HSPA12A: variants seen among roughly 807,000 people sequenced by gnomAD.
HSPA12A encodes heat shock 70 kDa protein 12A.
A neutral mutation model predicts 69.2 loss-of-function variants in HSPA12A; 28 were observed. That is an observed-to-expected ratio of 0.40 (90% CI 0.30 to 0.55). The LOEUF is 0.55. Among genes scored for constraint, HSPA12A ranks in the 20% least tolerant of loss-of-function variants. The probability of loss-of-function intolerance (pLI) is 0.38; values close to 1 mark genes in which losing one functional copy is unlikely to be tolerated. For missense variants in HSPA12A, 686 were observed against 900.7 expected, an observed-to-expected ratio of 0.76 and a Z score of 3.05; for synonymous variants, 345 against 370.5, an observed-to-expected ratio of 0.93 and a Z score of 0.79.
chr10:116,678,670 T>G (rs1263870630), intron 10 of HSPA12A, among the ~76,000 whole-genome samples: 1 of 151,814 alleles, frequency 6.6e-6, no homozygotes, highest in Non-Finnish European at 1.5e-5. Flanking sequence ...AATTGTTAAG[T>G]GTTATCGTGG....
chr10:116,734,216 C>T (rs1329962020), intron 1 of HSPA12A, among the ~76,000 whole-genome samples: 1 of 147,710 alleles, frequency 6.8e-6, no homozygotes, highest in Non-Finnish European at 1.5e-5. Flanking sequence ...TTTGGGAAAC[C>T]AAGACAGGCA....
At position 116,679,663 on chromosome 10, in the gene HSPA12A, G is replaced by T; in HGVS notation, c.1126C>A (p.Pro376Thr). The change falls in exon 10 of 12, where the codon CCT becomes ACT. Residue 376 changes from proline to threonine, a missense_variant. Transcript: ENST00000369209. Reference protein sequence around the residue: ...DFIEQFKIKRPAAWVDLMIAF... With the variant: ...DFIEQFKIKRTAAWVDLMIAF... Reference sequence around the variant, plus strand: ...ATCATTAAGTCAACCCAGGCTGCAGGGCGTTTGATTTTGAATTGTTCAATA... The same window carrying T: ...ATCATTAAGTCAACCCAGGCTGCAGTGCGTTTGATTTTGAATTGTTCAATA... The T allele has an allele frequency of 6.2e-7, 1 of 1,614,170 alleles. No homozygotes were observed. The highest frequency in any genetic ancestry group is 8.5e-7 in the Non-Finnish European group (1 of 1,180,030).
chr10:116,818,433 G>C (rs1845348006), intron 2 of HSPA12A, among the ~76,000 whole-genome samples: 1 of 151,570 alleles, frequency 6.6e-6, no homozygotes, highest in African/African-American at 2.4e-5. Context: ...ATGGAAGGGG[G>C]ACACAGTTGC....
intron 6 of HSPA12A, among the ~76,000 whole-genome samples, chr10:116,685,397 G>A (rs1431006554): frequency 6.6e-6 from 1 of 151,974 alleles, no homozygotes; most frequent in Non-Finnish European, 1.5e-5. Flanking sequence ...CACTTTGGGA[G>A]GCTGAGGCGG....
chr10:116,841,778 C>CTGTTTTT (rs780247395), intron 1 of HSPA12A, among the ~76,000 whole-genome samples: 3 of 151,840 alleles, frequency 2.0e-5, no homozygotes, highest in Non-Finnish European at 4.4e-5. Context: ...TCATTTGTGA[C>CTGTTTTT]TGTTTTTTCT....
At chr10:116,785,108 G>A (rs1394014862) in intron 2 of HSPA12A, among the ~76,000 whole-genome samples, 1 of 152,150 alleles carries the variant, frequency 6.6e-6, no homozygotes, top group African/African-American at 2.4e-5. Context: ...CCTTTGGGAG[G>A]GGCGTCCTGG....
At chr10:116,680,689 T>C (rs1849376502) in intron 9 of HSPA12A, among the ~76,000 whole-genome samples, 2 of 152,324 alleles carry the variant, frequency 1.3e-5, no homozygotes, top group South Asian at 4.1e-4. Flanking sequence ...TTTCATCATG[T>C]TGGCCATGCT....
intron 6 of HSPA12A, among the ~76,000 whole-genome samples, chr10:116,687,507 A>G (rs1053554804): frequency 6.6e-6 from 1 of 151,854 alleles, no homozygotes; most frequent in African/African-American, 2.4e-5. Context: ...CACAAATTCA[A>G]CCTCCCCAGG....
At chr10:116,732,352 G>GAAAGAAAGAAAGAAAGAAAGAAAGAA (rs112877124) in intron 1 of HSPA12A, among the ~76,000 whole-genome samples, 153 of 147,706 alleles carry the variant, frequency 1.0e-3, no homozygotes, top group Middle Eastern at 7.4e-3. Flanking sequence ...AAGAAAGAAA[G>GAAAGAAAGAAAGAAAGAAAGAAAGAA]AGACAGAGGG....
intron 2 of HSPA12A, among the ~76,000 whole-genome samples, chr10:116,773,017 T>C (rs2133120967): frequency 6.6e-6 from 1 of 152,336 alleles, no homozygotes; most frequent in South Asian, 2.1e-4. Flanking sequence ...GTGGTTCTTC[T>C]GAGAAGGGGC....
upstream of HSPA12A, among the ~76,000 whole-genome samples, chr10:116,746,933 A>T (rs187215870): frequency 2.6e-4 from 40 of 152,364 alleles, no homozygotes; most frequent in African/African-American, 8.9e-4. Flanking sequence ...TGCCAGCGGA[A>T]CGTTGTCCAT....
At chr10:116,767,919 A>T (rs1368268269) in intron 2 of HSPA12A, among the ~76,000 whole-genome samples, 4 of 152,210 alleles carry the variant, frequency 2.6e-5, no homozygotes, top group African/African-American at 7.2e-5. Context: ...AGGCAGGGCT[A>T]CAAAAACAGC....
At chr10:116,800,078 G>A (rs1197047504) in intron 2 of HSPA12A, among the ~76,000 whole-genome samples, 1 of 152,104 alleles carries the variant, frequency 6.6e-6, no homozygotes, top group Non-Finnish European at 1.5e-5. Context: ...GGAAAAGGAT[G>A]AACTAGAAAC....
At chr10:116,772,097 C>CG (rs1376622793) in intron 2 of HSPA12A, among the ~76,000 whole-genome samples, 1 of 152,102 alleles carries the variant, frequency 6.6e-6, no homozygotes, top group Non-Finnish European at 1.5e-5. Context: ...AGGACGGGAG[C>CG]GGGGGTAGTG....
intron 2 of HSPA12A, among the ~76,000 whole-genome samples, chr10:116,779,902 T>A (rs1564817346): frequency 6.6e-6 from 1 of 151,878 alleles, no homozygotes; most frequent in African/African-American, 2.4e-5. Context: ...ATGGCACCAC[T>A]CCCTAGGGGA....
At chr10:116,820,133 T>C (rs1016000995) in intron 2 of HSPA12A, among the ~76,000 whole-genome samples, 5 of 152,166 alleles carry the variant, frequency 3.3e-5, no homozygotes, top group African/African-American at 1.2e-4. Flanking sequence ...AATTTATGTG[T>C]TTTTAGTTGG....
At chr10:116,848,359 AC>A (rs1472069187) in intron 1 of HSPA12A, among the ~76,000 whole-genome samples, 1 of 152,256 alleles carries the variant, frequency 6.6e-6, no homozygotes, top group Non-Finnish European at 1.5e-5. Flanking sequence ...TTATAGCATC[AC>A]ATTTTTATGC....
chr10:116,683,082 G>T (rs946762301), intron 7 of HSPA12A, among the ~76,000 whole-genome samples: 1 of 151,590 alleles, frequency 6.6e-6, no homozygotes, highest in East Asian at 1.9e-4. Flanking sequence ...AACAGTGCCC[G>T]GCGCCACCCC....
chr10:116,802,602 A>G (rs1844980566), intron 2 of HSPA12A, among the ~76,000 whole-genome samples: 1 of 152,240 alleles, frequency 6.6e-6, no homozygotes, highest in African/African-American at 2.4e-5. Context: ...CAACAACAGG[A>G]ACAAAAAAAG....
Sources: allele counts gnomAD v4.1 joint callset (sites outside exome capture counted in the v4.1 genomes callset), GRCh38; gene constraint gnomAD v4.1.1; transcripts MANE v1.5; gene names NCBI Gene and HGNC (gene_info 2026-07-23, HGNC 2026-07-21).